The following TMEM178A variants were observed in gnomAD, a reference collection of about 807,000 sequenced individuals.
TMEM178A encodes the protein transmembrane protein 178.
A neutral mutation model predicts 29.1 loss-of-function variants in TMEM178A; 12 were observed. The observed-to-expected ratio is 0.41, with a 90% CI of 0.26 to 0.67. TMEM178A has a LOEUF of 0.67. TMEM178A is among the 30% of genes least tolerant of loss of function. The pLI is 0.29. For missense variants in TMEM178A, 366 were observed against 419.1 expected, an observed-to-expected ratio of 0.87 and a Z score of 1.11; for synonymous variants, 210 against 187.2, an observed-to-expected ratio of 1.12 and a Z score of -0.99.
intron 1 of TMEM178A, among the ~76,000 whole-genome samples, chr2:39,681,574 T>A (rs1266629036): frequency 6.6e-6 from 1 of 152,198 alleles, no homozygotes; most frequent in Non-Finnish European, 1.5e-5. Flanking sequence ...GGTGTCTTGA[T>A]TTGGAAATAT....
At chr2:39,665,796 G>C (rs1354772828), upstream of TMEM178A, 3 of 500,782 alleles carry the variant, frequency 6.0e-6, no homozygotes, top group Non-Finnish European at 9.1e-6. Context: ...TGGGAGGCGA[G>C]ATCAGGCCAG....
chr2:39,681,466 T>A (rs945599903), intron 1 of TMEM178A, among the ~76,000 whole-genome samples: 2 of 152,198 alleles, frequency 1.3e-5, no homozygotes, highest in African/African-American at 4.8e-5. Context: ...ATGAAAGTGT[T>A]CAATATAGCT....
chr2:39,698,039 C>T (rs1181933585), intron 1 of TMEM178A: 1 of 152,192 alleles, frequency 6.6e-6, no homozygotes, highest in East Asian at 1.9e-4. Flanking sequence ...CAATCTCCTT[C>T]AATTAAGAAT....
At chr2:39,690,838 A>C (rs1397605127) in intron 1 of TMEM178A, among the ~76,000 whole-genome samples, 1 of 152,240 alleles carries the variant, frequency 6.6e-6, no homozygotes, top group East Asian at 1.9e-4. Context: ...CAACTAAATG[A>C]AATCAGGAAT....
intron 1 of TMEM178A, among the ~76,000 whole-genome samples, chr2:39,691,624 C>T (rs1244602382): frequency 6.6e-6 from 1 of 152,118 alleles, no homozygotes; most frequent in Admixed American, 6.5e-5. Context: ...ACCTGGCAAT[C>T]CCACTTCTGG....
At chr2:39,698,114 T>C (rs77887765) in intron 1 of TMEM178A, 167 of 152,316 alleles carry the variant, frequency 1.1e-3, no homozygotes, top group African/African-American at 3.8e-3. Context: ...TATTTCAAAT[T>C]GACAGTACAT....
At chr2:39,713,769 T>C (rs1330411653) in intron 3 of TMEM178A, among the ~76,000 whole-genome samples, 1 of 152,250 alleles carries the variant, frequency 6.6e-6, no homozygotes, top group African/African-American at 2.4e-5. Context: ...CTATAAGACA[T>C]GTATGTGGAA....
downstream of TMEM178A, among the ~76,000 whole-genome samples, chr2:39,719,728 C>G (rs962706434): frequency 1.3e-5 from 2 of 152,078 alleles, no homozygotes; most frequent in Non-Finnish European, 2.9e-5. Context: ...ACACACCCCC[C>G]TTTTTAACAG....
chr2:39,674,783 T>TA (rs1208272123), intron 1 of TMEM178A, among the ~76,000 whole-genome samples: 1 of 152,208 alleles, frequency 6.6e-6, no homozygotes, highest in Non-Finnish European at 1.5e-5. Context: ...AGCCAGAAGA[T>TA]ACCCGCTGAA....
intron 1 of TMEM178A, chr2:39,687,357 A>G (rs1421054602): frequency 6.0e-6 from 1 of 166,858 alleles, no homozygotes; most frequent in Non-Finnish European, 1.5e-5. Flanking sequence ...CCACTCATAG[A>G]GAGATTTCTG....
chr2:39,712,041 TTGTGTGTGTGTGTGTG>T (rs61303746), intron 3 of TMEM178A, among the ~76,000 whole-genome samples: 2 of 139,252 alleles, frequency 1.4e-5, no homozygotes, highest in East Asian at 2.2e-4. Context: ...GAATTGCATT[TTGTGTGTGTGTGTGTG>T]TGTGTGTGTG....
chr2:39,699,205 T>A (rs139668787), intron 1 of TMEM178A, among the ~76,000 whole-genome samples: 116 of 152,000 alleles, frequency 7.6e-4, no homozygotes, highest in Non-Finnish European at 1.2e-3. Context: ...TTTTGTACTT[T>A]CAGTAGAGAT....
chr2:39,668,458 G>A (rs1415920790), intron 1 of TMEM178A, among the ~76,000 whole-genome samples: 3 of 152,198 alleles, frequency 2.0e-5, no homozygotes, highest in South Asian at 2.1e-4. Flanking sequence ...CCCATTGCTG[G>A]CTCTGTTGCT....
the TMEM178A span, among the ~76,000 whole-genome samples, chr2:39,727,955 T>A: frequency 6.6e-6 from 1 of 152,230 alleles, no homozygotes; most frequent in Non-Finnish European, 1.5e-5. Context: ...CTTAATCCAG[T>A]CTATCATTGA....
intron 3 of TMEM178A, among the ~76,000 whole-genome samples, chr2:39,716,368 A>G (rs953972812): frequency 6.6e-6 from 1 of 152,214 alleles, no homozygotes; most frequent in Non-Finnish European, 1.5e-5. Flanking sequence ...GGGTCTGTCC[A>G]TGTTCCTTAT....
intron 1 of TMEM178A, among the ~76,000 whole-genome samples, chr2:39,672,228 G>T (rs1670435167): frequency 6.6e-6 from 1 of 152,162 alleles, no homozygotes; most frequent in African/African-American, 2.4e-5. Context: ...CTGCACACAG[G>T]AATTGTCTTT....
At chr2:39,692,843 C>T in intron 1 of TMEM178A, among the ~76,000 whole-genome samples, 1 of 152,194 alleles carries the variant, frequency 6.6e-6, no homozygotes, top group East Asian at 1.9e-4. Context: ...TCCTGAAAAC[C>T]AGTATTCTAG....
Position 39,710,685 on chromosome 2 carries a change from G to C in TMEM178A, c.652+3499G>C, listed in dbSNP as rs552513429. Among the ~76,000 whole-genome samples the C allele has an allele frequency of 2.1e-4, 32 of 152,250 alleles. 1 individual carries two copies. In the South Asian group the frequency reaches 3.7e-3, roughly 18 times the overall value. On this transcript the variant is annotated intron_variant, in intron 3 of 3. Transcript: ENST00000281961. ...GCTGTAGAACGTTCACATGCAGTAG[G>C]AGATGAGAGCAAAAAAAGGGTTAAA...
the TMEM178A span, among the ~76,000 whole-genome samples, chr2:39,734,496 T>C: frequency 6.6e-6 from 1 of 152,240 alleles, no homozygotes; most frequent in African/African-American, 2.4e-5. Context: ...TCCAGTTTCA[T>C]GCCACCTAAA....
Sources: allele counts gnomAD v4.1 joint callset (sites outside exome capture counted in the v4.1 genomes callset), GRCh38; gene constraint gnomAD v4.1.1; transcripts MANE v1.5; gene names NCBI Gene and HGNC (gene_info 2026-07-23, HGNC 2026-07-21).